DENND2B: variants seen among roughly 807,000 people sequenced by gnomAD.
The protein encoded by DENND2B is DENN domain containing 2B.
DENND2B carries 32 observed loss-of-function variants against 116.0 expected under a neutral mutation model. The observed-to-expected ratio is 0.28, with a 90% CI of 0.21 to 0.37. The LOEUF is 0.37. Ranked by LOEUF, DENND2B falls within the 10% of genes least tolerant of loss-of-function variation. DENND2B has a pLI of 1.00. For synonymous variants in DENND2B, 588 were observed against 583.9 expected (o/e 1.01, Z -0.10); for missense variants, 1,276 against 1,477.7 (o/e 0.86, Z 2.24).
At position 8,707,855 on chromosome 11, in the gene DENND2B, C is replaced by G; in HGVS notation, c.2353-1G>C. 6.2e-7 allele frequency: 1 copy of G among 1,607,810 alleles called. No homozygotes were observed. The highest frequency in any genetic ancestry group is 8.5e-7 in the Non-Finnish European group (1 of 1,177,398). ...GCAACCGGGGCCCTTTCCCACTTGG[C>G]TGGGCCAGGACAAGGAGGAGGAGGA... On this transcript the variant is annotated splice_acceptor_variant, in intron 11 of 19. Coordinates refer to ENST00000313726, the MANE Select transcript of DENND2B (RefSeq NM_213618.2). LOFTEE classifies it high-confidence loss of function. This position sits in a 1 kb window ranked among gnomAD's most constrained non-coding sequence, Gnocchi z 4.8.
At chr11:8,725,158 T>C (rs903296505) in intron 4 of DENND2B, among the ~76,000 whole-genome samples, 1 of 152,174 alleles carries the variant, frequency 6.6e-6, no homozygotes, top group African/African-American at 2.4e-5. Context: ...CCAAAATTCC[T>C]ATGTGGAAAC....
chr11:8,799,258 C>T (rs555154004), intron 1 of DENND2B, among the ~76,000 whole-genome samples: 17 of 152,162 alleles, frequency 1.1e-4, no homozygotes, highest in Non-Finnish European at 2.4e-4. Context: ...AAGCCAAGAG[C>T]AAACCCTGAG....
chr11:8,902,231 T>C (rs2568036), intron 1 of DENND2B, among the ~76,000 whole-genome samples: 136,273 of 151,582 alleles, frequency 0.9, 62,996 homozygotes, highest in East Asian at 1. Context: ...GAGGCTGAGG[T>C]AGGAGAATCA....
chr11:8,740,058 C>T (rs1301124110), intron 2 of DENND2B, among the ~76,000 whole-genome samples: 1 of 151,792 alleles, frequency 6.6e-6, no homozygotes, highest in African/African-American at 2.4e-5. Flanking sequence ...GGTGTGATGG[C>T]ATGCCCCCGT....
intron 1 of DENND2B, among the ~76,000 whole-genome samples, chr11:8,890,218 C>T (rs1382743188): frequency 1.3e-5 from 2 of 152,148 alleles, no homozygotes; most frequent in African/African-American, 2.4e-5. Context: ...ACAGAAAGGA[C>T]ATCCACACCA....
intron 1 of DENND2B, among the ~76,000 whole-genome samples, chr11:8,904,902 A>G (rs2064216456): frequency 6.6e-6 from 1 of 152,170 alleles, no homozygotes. Context: ...AAAAATAAAG[A>G]AAACTGAAAT....
intron 4 of DENND2B, among the ~76,000 whole-genome samples, chr11:8,721,793 G>C (rs903061431): frequency 5.3e-5 from 8 of 152,238 alleles, no homozygotes; most frequent in African/African-American, 1.9e-4. Context: ...GCAAATAAGG[G>C]AAGCAACCAG....
intron 2 of DENND2B, among the ~76,000 whole-genome samples, chr11:8,864,424 C>A (rs545265597): frequency 1.3e-5 from 2 of 152,062 alleles, no homozygotes; most frequent in Non-Finnish European, 2.9e-5. Flanking sequence ...CGCACCGCCA[C>A]GCTCGGCTAA....
At chr11:8,811,691 C>T (rs549931203), upstream of DENND2B, 115 of 188,672 alleles carry the variant, frequency 6.1e-4, no homozygotes, top group South Asian at 1.4e-3. Context: ...AAATACACTG[C>T]ACAGATATTT....
chr11:8,725,965 G>T lies in DENND2B; in HGVS notation c.1477+108C>A. Reference sequence around the variant, plus strand: ...ATTCCAGGAGGAGTTCCAGAAGGTGGGACCATGCCTGCCCACAGTGAAGGA... The same window carrying T: ...ATTCCAGGAGGAGTTCCAGAAGGTGTGACCATGCCTGCCCACAGTGAAGGA... On this transcript the variant is annotated intron_variant, in intron 4 of 19. Transcript: ENST00000313726. 2.6e-6 allele frequency: 4 copies of T among 1,528,316 alleles called. No homozygotes were observed. In the South Asian group the frequency reaches 3.5e-5, roughly 13 times the overall value. The allele number at this position is 1,528,316 out of a possible 1,614,324, so 94.7% of individuals were successfully genotyped here.
At chr11:8,881,714 T>C (rs2063905695) in intron 1 of DENND2B, among the ~76,000 whole-genome samples, 1 of 152,134 alleles carries the variant, frequency 6.6e-6, no homozygotes, top group Non-Finnish European at 1.5e-5. Flanking sequence ...CTACTTTTTG[T>C]ATTTTTAGTA....
intron 2 of DENND2B, among the ~76,000 whole-genome samples, chr11:8,736,367 A>T: frequency 1.3e-5 from 1 of 76,512 alleles, no homozygotes; most frequent in African/African-American, 3.5e-5. Flanking sequence ...GTCTCAAAAG[A>T]AAAAAAAAAG....
intron 4 of DENND2B, among the ~76,000 whole-genome samples, chr11:8,831,240 T>C (rs1211276308): frequency 6.6e-6 from 1 of 152,204 alleles, no homozygotes; most frequent in Non-Finnish European, 1.5e-5. Context: ...AAGTATGTAA[T>C]GGGTGTAAAA....
intron 4 of DENND2B, among the ~76,000 whole-genome samples, chr11:8,833,880 T>G (rs2062314551): frequency 6.6e-6 from 1 of 152,206 alleles, no homozygotes; most frequent in Non-Finnish European, 1.5e-5. Flanking sequence ...TTAGTTCAGT[T>G]ACTCACAGCC....
chr11:8,778,089 C>G (rs931030293), intron 1 of DENND2B, among the ~76,000 whole-genome samples: 92 of 152,228 alleles, frequency 6.0e-4, no homozygotes, highest in African/African-American at 2.2e-3. Flanking sequence ...ACAGCAGCTG[C>G]TGACCATTAT....
chr11:8,806,605 A>AACACACATACACACAC (rs2060864124), intron 1 of DENND2B, among the ~76,000 whole-genome samples: 3 of 118,576 alleles, frequency 2.5e-5, no homozygotes, highest in African/African-American at 9.3e-5. Context: ...CTCCCTTCAA[A>AACACACATACACACAC]ACACACACAC....
intron 1 of DENND2B, among the ~76,000 whole-genome samples, chr11:8,754,029 G>GCGCACACACACACACACACACACACACA (rs146486674): frequency 2.2e-5 from 3 of 138,734 alleles, no homozygotes; most frequent in African/African-American, 8.2e-5. Flanking sequence ...CCAAAAGCGC[G>GCGCACACACACACACACACACACACACA]CACACACACA....
In DENND2B at chr11:8,700,892, G is replaced by A. The variant is rs193026605; in HGVS notation, c.2721-1502C>T. Reference sequence around the variant, plus strand: ...GCTGGAGTGCAGTGGCACAATCTCCGCTCACTGCAACCTCCACCTCCTGGA... The same window carrying A: ...GCTGGAGTGCAGTGGCACAATCTCCACTCACTGCAACCTCCACCTCCTGGA... On this transcript the variant is annotated intron_variant, in intron 14 of 19. Coordinates refer to ENST00000313726, the MANE Select transcript of DENND2B (RefSeq NM_213618.2). 3.5e-3 allele frequency among the ~76,000 whole-genome samples: 534 copies of A among 152,072 alleles called. 1 individual carries two copies. Among genetic ancestry groups the A allele is most frequent in the African/African-American group, 0.012 (506 of 41,450 alleles).
intron 2 of DENND2B, among the ~76,000 whole-genome samples, chr11:8,746,325 T>C (rs2051241478): frequency 6.6e-6 from 1 of 152,228 alleles, no homozygotes; most frequent in Non-Finnish European, 1.5e-5. Flanking sequence ...CATAAAAACC[T>C]GCAAATATGA....
Sources: allele counts gnomAD v4.1 joint callset (sites outside exome capture counted in the v4.1 genomes callset), GRCh38; gene constraint gnomAD v4.1.1; non-coding constraint Gnocchi (gnomAD v3.1); transcripts MANE v1.5; gene names NCBI Gene and HGNC (gene_info 2026-07-23, HGNC 2026-07-21).